Variants in DNAH8 observed in about 807,000 individuals in gnomAD.
DNAH8 encodes axonemal beta dynein heavy chain 8.
Under a neutral mutation model 562.1 loss-of-function variants are expected in DNAH8, and 382 were observed. The observed-to-expected ratio is 0.68, with a 90% confidence interval of 0.63 to 0.74. DNAH8 has a LOEUF of 0.74. DNAH8 is among the 30% of genes least tolerant of loss of function. DNAH8 has a pLI of 0.00. For synonymous variants in DNAH8, 1,881 were observed against 1,919.4 expected (o/e 0.98, Z 0.52); for missense variants, 5,203 against 5,620.4 (o/e 0.93, Z 2.37).
intron 82 of DNAH8, among the ~76,000 whole-genome samples, chr6:38,951,722 T>C (rs1477817768): frequency 6.6e-6 from 1 of 152,184 alleles, no homozygotes; most frequent in Non-Finnish European, 1.5e-5. Flanking sequence ...AAGAACATGC[T>C]CATCTAGCAT....
chr6:38,911,493 C>G lies in DNAH8; in HGVS notation c.9766C>G (p.Pro3256Ala). 3 of 1,613,598 alleles carry G rather than the reference C, an allele frequency of 1.9e-6. No individual in the cohort carries two copies. Among genetic ancestry groups the G allele is most frequent in the Non-Finnish European group, 2.5e-6 (3 of 1,179,636 alleles). The change falls in exon 66 of 93, where the codon CCC (proline) becomes GCC (alanine). Residue 3256 changes from proline (P) to alanine (A), a missense_variant. This residue lies in a region of DNAH8 where 977 missense variants were observed against 1,061.8 expected (regional missense o/e 0.92). Transcript: ENST00000327475. ...ATACCGCCGAAGAGCACATGTGACT[C>G]CCAAATCTTACCTCTCATTTATAAA... ...QRYRRRAHVT[P>A]KSYLSFINGY...
chr6:38,943,060 A>G (rs557491725), intron 79 of DNAH8, among the ~76,000 whole-genome samples: 13 of 152,314 alleles, frequency 8.5e-5, no homozygotes, highest in Non-Finnish European at 1.6e-4. Flanking sequence ...GTCAGGGAGA[A>G]CTATACTGTA....
At chr6:38,917,203 A>G (rs772320534) in intron 68 of DNAH8, 36 bp from the exon 69 acceptor site, 10 of 1,507,800 alleles carry the variant, frequency 6.6e-6, no homozygotes, top group Non-Finnish European at 9.0e-6. Context: ...AATACCACTC[A>G]ACAAACAAAA....
intron 11 of DNAH8, among the ~76,000 whole-genome samples, chr6:38,762,455 ACACT>A (rs1163270062): frequency 6.6e-6 from 1 of 152,200 alleles, no homozygotes; most frequent in African/African-American, 2.4e-5. Context: ...TTTTTAAAAA[ACACT>A]CAAATTCAGT....
intron 13 of DNAH8, among the ~76,000 whole-genome samples, chr6:38,776,281 G>A (rs982959873): frequency 6.6e-5 from 10 of 150,630 alleles, no homozygotes; most frequent in Non-Finnish European, 1.5e-4. Context: ...GCAGTGGAGC[G>A]ATCTTGGTTC....
At position 38,715,805 on chromosome 6, in the gene DNAH8, G is replaced by A. The variant is rs1458910703; in HGVS notation, c.-35+390G>A. On this transcript the variant is annotated intron_variant, in intron 1 of 92. Transcript: ENST00000327475. ...GTGAGGGATGAAACAACTACATATC[G>A]CTTGCAATGTATGCTACCTGGATGA... is the stretch of plus-strand genomic sequence containing the variant. Among the ~76,000 whole-genome samples, 9 of 108,528 alleles carry A rather than the reference G, an allele frequency of 8.3e-5. 1 individual carries two copies. The East Asian group carries it at 1.0e-3, about 12-fold the overall frequency. The allele number at this position is 108,528 out of a possible 152,430, so 71.2% of individuals were successfully genotyped here.
intron 30 of DNAH8, among the ~76,000 whole-genome samples, chr6:38,828,759 A>G (rs1773584162): frequency 6.6e-6 from 1 of 152,160 alleles, no homozygotes; most frequent in South Asian, 2.1e-4. Flanking sequence ...CATAAAGTTT[A>G]CCATTTTAAA....
chr6:38,804,920 G>GT (rs1771132459), intron 22 of DNAH8, among the ~76,000 whole-genome samples: 1 of 48,442 alleles, frequency 2.1e-5, no homozygotes, highest in South Asian at 1.1e-3. Context: ...GGGGGTGGCC[G>GT]GGGGGGAGGG....
chr6:38,855,927 A>T (rs1238501298), intron 41 of DNAH8, among the ~76,000 whole-genome samples: 2 of 152,164 alleles, frequency 1.3e-5, no homozygotes, highest in Non-Finnish European at 2.9e-5. Flanking sequence ...TTGAGGGATC[A>T]AGGTTGTGCG....
chr6:38,874,074 T>TTCTTTCTTTCTTTC (rs1777733600), intron 52 of DNAH8, among the ~76,000 whole-genome samples: 3 of 100,576 alleles, frequency 3.0e-5, no homozygotes, highest in South Asian at 4.2e-4. Flanking sequence ...TTCTTTTTCT[T>TTCTTTCTTTCTTTC]TCTTTCTTTC....
chr6:38,906,763 T>G lies in DNAH8; in HGVS notation c.9348+356T>G, dbSNP rs545878538. ...TGTAAATGGATGTCTGTACTGCCAC[T>G]TCTGAAACCGCTTGTATCAGCACTT... On this transcript the variant is annotated intron_variant, in intron 63 of 92. Transcript: ENST00000327475. 3.3e-4 allele frequency among the ~76,000 whole-genome samples: 50 copies of G among 152,276 alleles called. 1 individual carries two copies. In the South Asian group the frequency reaches 9.4e-3, roughly 29 times the overall value.
intron 11 of DNAH8, chr6:38,763,136 T>C: frequency 3.1e-6 from 1 of 325,078 alleles, no homozygotes; most frequent in Non-Finnish European, 5.9e-6. Context: ...ACTGAAATTA[T>C]AAAATGTATG....
At chr6:38,972,418 A>G (rs1763408944) in intron 83 of DNAH8, among the ~76,000 whole-genome samples, 4 of 152,204 alleles carry the variant, frequency 2.6e-5, no homozygotes, top group Admixed American at 1.3e-4. Flanking sequence ...AAATGCCCTA[A>G]GCCTCAATCT....
chr6:38,990,346 T>C (rs1026756079), intron 88 of DNAH8, among the ~76,000 whole-genome samples, 174 bp downstream of exon 88: 8 of 152,162 alleles, frequency 5.3e-5, no homozygotes, highest in African/African-American at 1.4e-4. Flanking sequence ...CTTGGCCTGC[T>C]CTCCTCTCAC....
rs773097842 is a variant in DNAH8, at chr6:38,909,745, GTAAGTGA to G, written c.9740+4_9740+10del. Reference sequence around the variant, plus strand: ...AGAGCTGTGAAAGTTATTTCCAAAGGTAAGTGATATTACATAAGCACCATCGCTATGG... The same window carrying G: ...AGAGCTGTGAAAGTTATTTCCAAAGGTATTACATAAGCACCATCGCTATGG... On this transcript the variant is annotated splice_donor_variant and splice_donor_5th_base_variant and intron_variant, in intron 65 of 92. Transcript: ENST00000327475. LOFTEE classifies it high-confidence loss of function. 136 of 1,612,286 alleles carry G rather than the reference GTAAGTGA, an allele frequency of 8.4e-5. No homozygotes were observed. The highest frequency in any genetic ancestry group is 1.1e-4 in the Non-Finnish European group (132 of 1,178,560).
intron 22 of DNAH8, 117 bp downstream of exon 22, chr6:38,803,428 G>A (rs1262277923): frequency 1.4e-6 from 1 of 696,778 alleles, no homozygotes; most frequent in Non-Finnish European, 2.4e-6. Flanking sequence ...AAGCAAAGAA[G>A]GTGTTCAGCA....
chr6:38,939,341 A>C (rs1783248048), intron 79 of DNAH8, among the ~76,000 whole-genome samples: 1 of 152,212 alleles, frequency 6.6e-6, no homozygotes, highest in African/African-American at 2.4e-5. Flanking sequence ...TCAGACTGCA[A>C]GAAAAGGCTC....
Position 38,949,444 on chromosome 6 carries a change from T to G in DNAH8, c.12130-8T>G. ...TCTGTGGCTTGCTAATTGGCTTGCT[T>G]CTTTTAGATATCTCGTAATGAGAAG... On this transcript the variant is annotated splice_region_variant and splice_polypyrimidine_tract_variant and intron_variant, in intron 80 of 92. Transcript: ENST00000327475. 6.3e-7 allele frequency: 1 copy of G among 1,576,434 alleles called. No individual in the cohort carries two copies. Among genetic ancestry groups the G allele is most frequent in the Non-Finnish European group, 8.7e-7 (1 of 1,146,000 alleles).
At chr6:38,760,920 C>G (rs1218665777) in intron 10 of DNAH8, among the ~76,000 whole-genome samples, 2 of 152,060 alleles carry the variant, frequency 1.3e-5, no homozygotes, top group Non-Finnish European at 2.9e-5. Context: ...ATAAATTACC[C>G]ATTCTCAGGT....
Sources: gnomAD v4.1 joint callset for allele counts (sites outside exome capture counted in the v4.1 genomes callset) on GRCh38, gnomAD v4.1.1 for gene constraint, gnomAD v4.1.1 regional missense constraint, MANE v1.5 for transcripts, NCBI Gene and HGNC (gene_info 2026-07-23, HGNC 2026-07-21) for gene names.